TP63: variants seen among roughly 807,000 people sequenced by gnomAD.
The protein encoded by TP63 is tumor protein p63, also known as tumor protein 63.
A neutral mutation model predicts 82.8 loss-of-function variants in TP63; 17 were observed. That is an observed-to-expected ratio of 0.21 (90% confidence interval 0.14 to 0.31). The LOEUF is 0.31. Among genes scored for constraint, TP63 ranks in the 10% least tolerant of loss-of-function variants. The pLI is 1.00. For synonymous variants in TP63, 330 were observed against 321.7 expected (o/e 1.03, Z -0.28); for missense variants, 648 against 895.3 (o/e 0.72, Z 3.52).
intron 4 of TP63, among the ~76,000 whole-genome samples, chr3:189,830,826 A>C (rs1008838546): frequency 6.6e-5 from 10 of 152,214 alleles, no homozygotes; most frequent in Admixed American, 5.9e-4. Flanking sequence ...GCATATAGAC[A>C]CTTAGTAAAT....
intron 4 of TP63, among the ~76,000 whole-genome samples, chr3:189,816,825 T>C (rs1309504407): frequency 6.6e-6 from 1 of 152,142 alleles, no homozygotes; most frequent in African/African-American, 2.4e-5. Context: ...CTTGTGGTTT[T>C]TAGTAATGAT....
intron 3 of TP63, among the ~76,000 whole-genome samples, chr3:189,794,579 A>G (rs954896831): frequency 6.6e-6 from 1 of 152,082 alleles, no homozygotes; most frequent in Non-Finnish European, 1.5e-5. Context: ...AGAAGCATCA[A>G]ATAGTTCAAA....
chr3:189,881,504 GTTT>G, intron 10 of TP63: 1 of 985,202 alleles, frequency 1.0e-6, no homozygotes, highest in Non-Finnish European at 1.2e-6. Flanking sequence ...TTATCTTGCA[GTTT>G]TTTTGTTTCT....
At chr3:189,883,257 C>G (rs55654591) in intron 10 of TP63, among the ~76,000 whole-genome samples, 1 of 151,894 alleles carries the variant, frequency 6.6e-6, no homozygotes, top group Non-Finnish European at 1.5e-5. Context: ...CCTTTTTCAC[C>G]GTATGTAGTT....
At chr3:189,735,758 G>C (rs1219157773) in intron 1 of TP63, among the ~76,000 whole-genome samples, 2 of 152,152 alleles carry the variant, frequency 1.3e-5, no homozygotes, top group African/African-American at 4.8e-5. Context: ...AGCATAGTCT[G>C]ACTGTGTCTG....
At chr3:189,880,243 G>T (rs917267228) in intron 10 of TP63, 12 of 1,549,326 alleles carry the variant, frequency 7.7e-6, no homozygotes, top group African/African-American at 1.4e-5. Context: ...GTGTGTGTGT[G>T]TGTATGTGTG....
At chr3:189,882,018 C>CA (rs5855276) in intron 10 of TP63, among the ~76,000 whole-genome samples, 57,479 of 139,548 alleles carry the variant, frequency 0.41, 11,497 homozygotes, top group Middle Eastern at 0.48. Flanking sequence ...AAGTTCTAAC[C>CA]AAAAAAAAAA....
chr3:189,800,245 A>AT (rs1467785320), intron 3 of TP63, among the ~76,000 whole-genome samples: 1 of 152,076 alleles, frequency 6.6e-6, no homozygotes, highest in Non-Finnish European at 1.5e-5. Context: ...AGAAAGTTCT[A>AT]TTTGGCCAGA....
At position 189,845,813 on chromosome 3, in the gene TP63, A is replaced by C. The variant is rs77560342; in HGVS notation, c.580-18419A>C. Among the ~76,000 whole-genome samples the C allele has an allele frequency of 4.0e-3, 607 of 151,246 alleles. 3 individuals carry two copies. Among genetic ancestry groups the C allele is most frequent in the South Asian group, 0.01 (48 of 4,736 alleles). On this transcript the variant is annotated intron_variant, in intron 4 of 13. Transcript: ENST00000264731. ...TGTTCCGTGAGAGTTTATTTCATCC[A>C]TAGTCTCTAAGATTTAGGGCTCAAG...
intron 1 of TP63, among the ~76,000 whole-genome samples, chr3:189,669,497 C>T (rs1317759865): frequency 1.3e-5 from 2 of 151,910 alleles, no homozygotes. Context: ...TTTTTTGTTT[C>T]TCGAATTTTC....
chr3:189,830,118 G>A (rs1416894535), intron 4 of TP63: 2 of 180,602 alleles, frequency 1.1e-5, no homozygotes, highest in Middle Eastern at 5.1e-4. Flanking sequence ...TGGTGAGAGA[G>A]CATTGGACTG....
chr3:189,620,669 C>A, the TP63 span, among the ~76,000 whole-genome samples: 32 of 152,274 alleles, frequency 2.1e-4, no homozygotes, highest in African/African-American at 6.7e-4. Flanking sequence ...CAAAGATGTC[C>A]CATGTGCTGC....
rs1293676562 is a variant in TP63 at position 189,886,379 on chromosome 3, T to C, written c.1350-15T>C. 13 of 1,613,628 alleles carry C rather than the reference T, an allele frequency of 8.1e-6. No homozygotes were observed. Among genetic ancestry groups the C allele is most frequent in the Non-Finnish European group, 1.1e-5 (13 of 1,179,764 alleles). ...TGTCCCTTGCTCACCATTATTTCCA[T>C]GTTTGTCTTCCTAGGACCTCAATAC... On this transcript the variant is annotated splice_polypyrimidine_tract_variant and intron_variant, in intron 10 of 13. Transcript: ENST00000264731.
chr3:189,855,189 A>G (rs556836448), intron 4 of TP63, among the ~76,000 whole-genome samples: 15 of 152,324 alleles, frequency 9.8e-5, no homozygotes, highest in African/African-American at 3.6e-4. Flanking sequence ...AGAAACAAAA[A>G]TACAATTGAA....
At chr3:189,807,380 C>CA (rs1413176523) in intron 3 of TP63, among the ~76,000 whole-genome samples, 1 of 152,194 alleles carries the variant, frequency 6.6e-6, no homozygotes, top group Non-Finnish European at 1.5e-5. Flanking sequence ...GTAAATGAGG[C>CA]AAAATTAATT....
chr3:189,704,305 C>A (rs968655478), intron 1 of TP63, among the ~76,000 whole-genome samples: 14 of 152,324 alleles, frequency 9.2e-5, no homozygotes, highest in African/African-American at 3.1e-4. Context: ...TGGTTCTCTA[C>A]GTGGTAATAC....
chr3:189,709,647 A>AT (rs1718450444), intron 1 of TP63, among the ~76,000 whole-genome samples: 1 of 152,052 alleles, frequency 6.6e-6, no homozygotes, highest in Non-Finnish European at 1.5e-5. Context: ...TCCGTCTCAA[A>AT]AAATAATAAT....
At chr3:189,684,445 G>A (rs141071158) in intron 1 of TP63, among the ~76,000 whole-genome samples, 37 of 152,206 alleles carry the variant, frequency 2.4e-4, no homozygotes, top group African/African-American at 7.5e-4. Context: ...CAGAACAGGA[G>A]AATTGCATGT....
At chr3:189,813,224 T>C (rs1029104992) in intron 4 of TP63, among the ~76,000 whole-genome samples, 1 of 152,182 alleles carries the variant, frequency 6.6e-6, no homozygotes, top group Non-Finnish European at 1.5e-5. Flanking sequence ...TATTAATGTA[T>C]AATGACAAAC....
Sources: gnomAD v4.1 joint callset for allele counts (sites outside exome capture counted in the v4.1 genomes callset) on GRCh38, gnomAD v4.1.1 for gene constraint, MANE v1.5 for transcripts, NCBI Gene and HGNC (gene_info 2026-07-23, HGNC 2026-07-21) for gene names.